The following RBM19 variants were observed in gnomAD, a reference collection of about 807,000 sequenced individuals.
RBM19 encodes probable RNA-binding protein 19.
In RBM19, 94 loss-of-function variants were observed where a neutral mutation model predicts 116.8. The ratio of observed to expected loss-of-function variants is 0.80; its 90% CI spans 0.68 to 0.95. The LOEUF is 0.95. Among genes scored for constraint, RBM19 ranks in the 40% least tolerant of loss-of-function variants. RBM19 has a pLI of 0.00. For synonymous variants in RBM19, 475 were observed against 494.1 expected (o/e 0.96, Z 0.51); for missense variants, 1,161 against 1,220.7 (o/e 0.95, Z 0.73).
intron 23 of RBM19, among the ~76,000 whole-genome samples, chr12:113,826,730 C>T (rs1006730831): frequency 3.3e-5 from 5 of 152,326 alleles, no homozygotes; most frequent in Admixed American, 3.3e-4. Context: ...GGGCAATGCC[C>T]AGCCCCTGGC....
intron 18 of RBM19, among the ~76,000 whole-genome samples, chr12:113,924,313 G>T (rs1241068940): frequency 6.6e-6 from 1 of 152,248 alleles, no homozygotes; most frequent in African/African-American, 2.4e-5. Context: ...TGCAAGACTG[G>T]TTGTTTCTTG....
intron 21 of RBM19, among the ~76,000 whole-genome samples, chr12:113,879,212 A>G (rs958531804): frequency 1.3e-5 from 2 of 152,016 alleles, no homozygotes; most frequent in Admixed American, 6.5e-5. Context: ...CCAGTGGGCA[A>G]TTCTGGACCA....
rs1044520236 is a variant in RBM19 at position 113,962,455 on chromosome 12, C to T, written c.37-41G>A. The T allele has an allele frequency of 1.9e-6, 3 of 1,578,122 alleles. No individual in the cohort carries two copies. The African/African-American group carries it at 4.1e-5, about 21-fold the overall frequency. On this transcript the variant is annotated intron_variant, in intron 1 of 23. Coordinates refer to ENST00000261741, the MANE Select transcript of RBM19 (RefSeq NM_016196.4). The stretch of plus-strand genomic sequence containing the variant: ...AGGAATGAGAGACGAACTGGAAAGT[C>T]CCCAGAGCAAGGGGACAAAATGGGC...
chr12:113,848,747 C>T (rs1016270773), intron 22 of RBM19, among the ~76,000 whole-genome samples: 1 of 152,152 alleles, frequency 6.6e-6, no homozygotes, highest in African/African-American at 2.4e-5. Context: ...TTCTCCCAAG[C>T]GTTTTTCTAA....
intron 17 of RBM19, among the ~76,000 whole-genome samples, chr12:113,926,207 C>A (rs763952714): frequency 2.0e-5 from 3 of 152,168 alleles, no homozygotes; most frequent in Non-Finnish European, 4.4e-5. Flanking sequence ...CATATTCCTA[C>A]CCCTGAGGTT....
intron 21 of RBM19, among the ~76,000 whole-genome samples, chr12:113,874,857 C>A (rs1011085765): frequency 6.6e-6 from 1 of 152,252 alleles, no homozygotes; most frequent in African/African-American, 2.4e-5. Flanking sequence ...TGGCCCTACA[C>A]AACGGCTGAA....
intron 1 of RBM19, among the ~76,000 whole-genome samples, chr12:113,962,911 G>C (rs1872622349): frequency 6.6e-6 from 1 of 152,190 alleles, no homozygotes; most frequent in Non-Finnish European, 1.5e-5. Flanking sequence ...GAGATGGGGA[G>C]ATGATCTGGA....
intron 21 of RBM19, among the ~76,000 whole-genome samples, chr12:113,862,948 C>T (rs1878509888): frequency 6.6e-6 from 1 of 152,188 alleles, no homozygotes; most frequent in Non-Finnish European, 1.5e-5. Context: ...TACTCCCCCA[C>T]CCTGCAGCCC....
In RBM19 at chr12:113,921,597, A is replaced by G. The variant is rs560974155; in HGVS notation, c.2306-907T>C. Among the ~76,000 whole-genome samples the G allele has an allele frequency of 3.3e-5, 5 of 152,264 alleles. No individual in the cohort carries two copies. In the East Asian group the frequency reaches 9.6e-4, roughly 29 times the overall value. The stretch of plus-strand genomic sequence containing the variant: ...CCTTTCCATTGACAGCAGGTGTTAC[A>G]AAATAAGAGCCAACTGCATTAAGGA... On this transcript the variant is annotated intron_variant, in intron 18 of 23. Transcript: ENST00000261741.
intron 12 of RBM19, 105 bp from the exon 13 acceptor site, chr12:113,946,029 T>C: frequency 9.5e-7 from 1 of 1,056,948 alleles, no homozygotes; most frequent in East Asian, 2.5e-5. Flanking sequence ...CCTGCCTATC[T>C]ACATGCCCCC....
chr12:113,934,308 G>A (rs1374129968), intron 16 of RBM19, among the ~76,000 whole-genome samples: 2 of 152,220 alleles, frequency 1.3e-5, no homozygotes, highest in South Asian at 2.1e-4. Context: ...AGGGCGGGGC[G>A]GATATCATGC....
intron 21 of RBM19, among the ~76,000 whole-genome samples, chr12:113,880,454 GGT>G (rs1880026357): frequency 6.6e-6 from 1 of 152,164 alleles, no homozygotes; most frequent in Non-Finnish European, 1.5e-5. Context: ...GATCCTGACA[GGT>G]ACGACAGCTC....
At chr12:113,911,079 C>T (rs554318524) in intron 21 of RBM19, among the ~76,000 whole-genome samples, 36 of 152,194 alleles carry the variant, frequency 2.4e-4, no homozygotes, top group African/African-American at 8.4e-4. Flanking sequence ...GCCCAGTCTC[C>T]ACTTCCTTCC....
chr12:113,904,850 C>T (rs1881937942), intron 21 of RBM19, among the ~76,000 whole-genome samples: 1 of 152,180 alleles, frequency 6.6e-6, no homozygotes, highest in Admixed American at 6.5e-5. Context: ...TCAGACTTTC[C>T]CGTCCCCGAA....
chr12:113,869,584 G>C (rs1879070643), intron 21 of RBM19, among the ~76,000 whole-genome samples: 1 of 152,180 alleles, frequency 6.6e-6, no homozygotes, highest in Admixed American at 6.5e-5. Flanking sequence ...AAATAAAGTG[G>C]ATAATTCAGG....
Position 113,918,399 on chromosome 12 carries a change from C to A in RBM19, c.2434G>T (p.Ala812Ser). Reference protein sequence around the residue: ...HKLEVRISERATKPAVTLARK... With the variant: ...HKLEVRISERSTKPAVTLARK... ...AGGACACTGAAGACTCACTTAGTGG[C>A]TCGTTCCGAGATCCTCACTTCCAGC... is the stretch of plus-strand genomic sequence containing the variant. Residue 812 changes from alanine (A) to serine (S), a missense_variant, in exon 20 of 24, where the codon GCC becomes TCC. By Grantham distance (99) the Ala-to-Ser change is moderately conservative. Transcript: ENST00000261741. 6.2e-7 allele frequency: 1 copy of A among 1,614,198 alleles called. No homozygotes were observed. Among genetic ancestry groups the A allele is most frequent in the Non-Finnish European group, 8.5e-7 (1 of 1,180,044 alleles).
At chr12:113,959,773 C>T in intron 4 of RBM19, 92 bp downstream of exon 4, 3 of 1,476,830 alleles carry the variant, frequency 2.0e-6, no homozygotes, top group South Asian at 1.2e-5. Flanking sequence ...CTCCTAGCCT[C>T]CACCCTCTCC....
intron 21 of RBM19, among the ~76,000 whole-genome samples, chr12:113,891,628 T>C (rs1408092526): frequency 6.6e-6 from 1 of 152,206 alleles, no homozygotes; most frequent in Non-Finnish European, 1.5e-5. Context: ...ACCACATCCA[T>C]CCAGGAGGCT....
chr12:113,837,079 CTACATACA>C lies in RBM19; in HGVS notation c.2785+7581_2785+7588del, dbSNP rs59581128. On this transcript the variant is annotated intron_variant, in intron 23 of 23. Transcript: ENST00000261741. ...TCAGGCATACCTATCCCCCTACTTA[CTACATACA>C]TACATACATACATACATACATACAC... Among the ~76,000 whole-genome samples the C allele has an allele frequency of 2.2e-3, 302 of 136,314 alleles. 7 individuals carry two copies. The highest frequency in any genetic ancestry group is 7.5e-3 in the African/African-American group (260 of 34,726). The allele number at this position is 136,314 out of a possible 152,430, so 89.4% of individuals were successfully genotyped here.
Sources: allele counts gnomAD v4.1 joint callset (sites outside exome capture counted in the v4.1 genomes callset), GRCh38; gene constraint gnomAD v4.1.1; transcripts MANE v1.5; gene names NCBI Gene and HGNC (gene_info 2026-07-23, HGNC 2026-07-21).